The following IL17RE variants were observed in gnomAD, a reference collection of about 807,000 sequenced individuals.
The protein encoded by IL17RE is interleukin-17 receptor E.
Under a neutral mutation model 70.7 loss-of-function variants are expected in IL17RE, and 47 were observed. The ratio of observed to expected loss-of-function variants is 0.67; its 90% confidence interval spans 0.53 to 0.85. The LOEUF is 0.85. Among genes scored for constraint, IL17RE ranks in the 40% least tolerant of loss-of-function variants. The pLI is 0.00. For synonymous variants in IL17RE, 372 were observed against 381.2 expected, an observed-to-expected ratio of 0.98 and a Z score of 0.28; for missense variants, 850 against 893.9, an observed-to-expected ratio of 0.95 and a Z score of 0.63.
chr3:9,911,738 C>G lies in IL17RE; in HGVS notation c.1227+141C>G, dbSNP rs2082898744. The stretch of plus-strand genomic sequence containing the variant: ...ATCTGGTTTACTTTATTTACGTGAT[C>G]AGCCTCTGTTCAGCTAACTTGCTGA... On this transcript the variant is annotated intron_variant, in intron 12 of 15. Transcript: ENST00000383814. The G allele has an allele frequency of 8.9e-6, 7 of 787,014 alleles. No homozygotes were observed. In the East Asian group the frequency reaches 1.6e-4, roughly 17 times the overall value. 48.8% of individuals were successfully genotyped at this position (787,014 alleles called of 1,614,324 possible).
At chr3:9,902,210 G>A (rs866921976), upstream of IL17RE, among the ~76,000 whole-genome samples, 2 of 152,096 alleles carry the variant, frequency 1.3e-5, no homozygotes, top group Non-Finnish European at 2.9e-5. Flanking sequence ...CGCTCCCTCT[G>A]CTCCAGGGCT....
chr3:9,905,184 A>G (rs562138001), intron 3 of IL17RE, among the ~76,000 whole-genome samples: 90 of 151,698 alleles, frequency 5.9e-4, no homozygotes, highest in Non-Finnish European at 1.0e-3. Context: ...GGCTGGGCAC[A>G]GTGGCTTATG....
rs1289697366 is a variant in IL17RE, at chr3:9,914,837, C to A, written c.1447+60C>A. The A allele has an allele frequency of 3.4e-5, 45 of 1,342,992 alleles. No homozygotes were observed. In the Admixed American group the frequency reaches 5.8e-4, roughly 17 times the overall value. The allele number at this position is 1,342,992 out of a possible 1,614,324, so 83.2% of individuals were successfully genotyped here. ...CTGCCCAGCTCGGAGACTAGCTGCC[C>A]CCTCACCCTCCCCTGTCTGAGCTCT... On this transcript the variant is annotated intron_variant, in intron 15 of 15. Transcript: ENST00000383814.
In IL17RE at chr3:9,915,202, G is replaced by C; in HGVS notation, c.1448-49G>C. 7.3e-7 allele frequency: 1 copy of C among 1,363,574 alleles called. No homozygotes were observed. Among genetic ancestry groups the C allele is most frequent in the Non-Finnish European group, 9.4e-7 (1 of 1,062,668 alleles). The allele number at this position is 1,363,574 out of a possible 1,614,324, so 84.5% of individuals were successfully genotyped here. A position where few individuals can be genotyped will look rare whatever the true frequency, so the allele number is the denominator to read the frequency against. ...CCGAGAGGGTGGGGAGAAGAGGGCT[G>C]AGCAGTCCCTCAGCCGCCCAGCCTT... On this transcript the variant is annotated intron_variant, in intron 15 of 15. Transcript: ENST00000383814. This position sits in a 1 kb window ranked among gnomAD's most constrained non-coding sequence, Gnocchi z 4.9.
At chr3:9,911,398 C>T in intron 11 of IL17RE, 45 bp from the exon 12 acceptor site, 4 of 1,612,872 alleles carry the variant, frequency 2.5e-6, no homozygotes, top group Non-Finnish European at 3.4e-6. Flanking sequence ...GAATTCATCA[C>T]CCAAAGCCCA....
chr3:9,911,368 C>T, intron 11 of IL17RE, 68 bp downstream of exon 11: 1 of 1,612,982 alleles, frequency 6.2e-7, no homozygotes, highest in South Asian at 1.1e-5. Context: ...TGTAACCAAG[C>T]TAAACCCCAG....
chr3:9,914,623 T>TA (rs776007698), intron 14 of IL17RE, 24 bp downstream of exon 14: 12 of 1,612,262 alleles, frequency 7.4e-6, no homozygotes, highest in Non-Finnish European at 1.0e-5. Context: ...GAGGGGGAGG[T>TA]AAGAGGGAGG....
intron 6 of IL17RE, among the ~76,000 whole-genome samples, chr3:9,908,038 C>T (rs1056750264): frequency 6.6e-6 from 1 of 152,172 alleles, no homozygotes; most frequent in Admixed American, 6.5e-5. Flanking sequence ...TCCTTCCCCC[C>T]AACTCCACCT....
chr3:9,911,355 A>G, intron 11 of IL17RE, 55 bp downstream of exon 11: 1 of 1,613,374 alleles, frequency 6.2e-7, no homozygotes, highest in Non-Finnish European at 8.5e-7. Context: ...ATCCTCACCC[A>G]ACTGTAACCA....
At chr3:9,905,776 C>T (rs551211433) in intron 3 of IL17RE, among the ~76,000 whole-genome samples, 29 of 150,936 alleles carry the variant, frequency 1.9e-4, no homozygotes, top group Non-Finnish European at 3.5e-4. Flanking sequence ...GCCAAGATCG[C>T]GCCGCTGCAC....
intron 2 of IL17RE, among the ~76,000 whole-genome samples, chr3:9,903,787 TACA>T (rs1328029853): frequency 6.6e-6 from 1 of 152,238 alleles, no homozygotes; most frequent in Admixed American, 6.5e-5. Flanking sequence ...CTATCAGTAA[TACA>T]ACAATAATCC....
At chr3:9,906,025 G>A (rs1476958201) in intron 3 of IL17RE, among the ~76,000 whole-genome samples, 2 of 150,856 alleles carry the variant, frequency 1.3e-5, no homozygotes, top group Non-Finnish European at 2.9e-5. Context: ...CGAGGCGGGC[G>A]GATCACCTGA....
In IL17RE at chr3:9,904,151, G is replaced by A; in HGVS notation, c.268G>A (p.Gly90Ser). ...LCQHLLSGGS[G>S]LQRGLFHLLV... ...CCAGCATCTGCTGTCAGGTGGCTCAGGTATGAGAAACAGCCCCTTGGGCCA... is the reference window on the plus strand; with the variant it reads ...CCAGCATCTGCTGTCAGGTGGCTCAAGTATGAGAAACAGCCCCTTGGGCCA... The change falls in exon 3 of 16, where the codon GGT becomes AGT. Residue 90 changes from glycine (G) to serine (S), a missense_variant and splice_region_variant. Transcript: ENST00000383814. 6.2e-7 allele frequency: 1 copy of A among 1,614,082 alleles called. No homozygotes were observed. The highest frequency in any genetic ancestry group is 8.5e-7 in the Non-Finnish European group (1 of 1,179,958).
rs763395877 is a variant in IL17RE, at chr3:9,906,777, C to G, written c.438C>G (p.Ser146=). The change falls in exon 5 of 16, where the codon TCC becomes TCG. Residue 146 remains serine, a synonymous_variant. Coordinates refer to ENST00000383814, the MANE Select transcript of IL17RE (RefSeq NM_153480.2). ...TTTCCATCCCCTCCCCAGACATCTC[C>G]CACAAGGGACTTCGCTCTAAAAGGA... ...HHISIPSPDI[S]HKGLRSKRTQ... 2 of 1,614,174 alleles carry G rather than the reference C, an allele frequency of 1.2e-6. No individual in the cohort carries two copies.
chr3:9,907,776 A>G (rs1293050700), intron 6 of IL17RE, among the ~76,000 whole-genome samples: 3 of 151,966 alleles, frequency 2.0e-5, no homozygotes, highest in African/African-American at 7.3e-5. Context: ...TATGTCTCCC[A>G]TTCTCCCAAC....
Position 9,915,254 on chromosome 3 carries a change from C to T in IL17RE, c.1451C>T (p.Pro484Leu). ...ALTCRRPQSG[P>L]GPARPVLLLH... is the part of the protein sequence containing the mutation. The stretch of plus-strand genomic sequence containing the variant: ...ATCTGTTGCTTCCCGCCACCAGGCC[C>T]GGGCCCAGCGCGGCCAGTGCTCCTC... The change falls in exon 16 of 16, where the codon CCG (proline) becomes CTG (leucine). Residue 484 changes from proline (P) to leucine (L), a missense_variant. Transcript: ENST00000383814. The surrounding 1 kb of genome is among the most constrained non-coding windows in gnomAD (Gnocchi z 4.9). 7.2e-7 allele frequency: 1 copy of T among 1,390,262 alleles called. No individual in the cohort carries two copies. Among genetic ancestry groups the T allele is most frequent in the Non-Finnish European group, 9.3e-7 (1 of 1,079,574 alleles). The allele number at this position is 1,390,262 out of a possible 1,614,324, so 86.1% of individuals were successfully genotyped here. A position where few individuals can be genotyped will look rare whatever the true frequency, so the allele number is the denominator to read the frequency against.
chr3:9,903,433 C>T, intron 2 of IL17RE, 21 bp downstream of exon 2: 1 of 1,613,852 alleles, frequency 6.2e-7, no homozygotes, highest in Non-Finnish European at 8.5e-7. Context: ...TTTCCTGCCC[C>T]ATTGCTCCTC....
Position 9,915,464 on chromosome 3 carries a change from C to T in IL17RE, c.1661C>T (p.Thr554Ile). The T allele has an allele frequency of 7.5e-7, 1 of 1,340,786 alleles. No homozygotes were observed. Among genetic ancestry groups the T allele is most frequent in the Non-Finnish European group, 9.5e-7 (1 of 1,054,594 alleles). The allele number at this position is 1,340,786 out of a possible 1,614,324, so 83.1% of individuals were successfully genotyped here. A position where few individuals can be genotyped will look rare whatever the true frequency, so the allele number is the denominator to read the frequency against. Residue 554 changes from threonine to isoleucine, a missense_variant, in exon 16 of 16, where the codon ACT becomes ATT. Physicochemically the swap from Thr to Ile is moderately conservative, Grantham distance 89. Transcript: ENST00000383814. The surrounding 1 kb of genome is among the most constrained non-coding windows in gnomAD (Gnocchi z 4.9). Reference sequence around the variant, plus strand: ...ACGCGCGTAGCGCGGGAGCAGGGCACTGTGCTGCTGCTGTGGAGCGGCGCC... The same window carrying T: ...ACGCGCGTAGCGCGGGAGCAGGGCATTGTGCTGCTGCTGTGGAGCGGCGCC... The part of the protein sequence containing the change: ...ARTRVAREQG[T>I]VLLLWSGADL...
At chr3:9,902,750 G>A, upstream of IL17RE, 1 of 1,534,964 alleles carries the variant, frequency 6.5e-7, no homozygotes, top group South Asian at 1.2e-5. Flanking sequence ...CCACTTGGAG[G>A]GGAAGGAATG....
Sources: gnomAD v4.1 joint callset for allele counts (sites outside exome capture counted in the v4.1 genomes callset) on GRCh38, gnomAD v4.1.1 for gene constraint, Gnocchi (gnomAD v3.1) non-coding constraint, MANE v1.5 for transcripts, NCBI Gene and HGNC (gene_info 2026-07-23, HGNC 2026-07-21) for gene names.